The following SPG11 variants were observed in gnomAD, a reference collection of about 807,000 sequenced individuals.
SPG11 encodes spatacsin.
In SPG11, 222 loss-of-function variants were observed where a neutral mutation model predicts 274.0. The ratio of observed to expected loss-of-function variants is 0.81; its 90% CI spans 0.73 to 0.91. The LOEUF is 0.91. Among genes scored for constraint, SPG11 ranks in the 40% least tolerant of loss-of-function variants. The pLI is 0.00. For synonymous variants in SPG11, 1,144 were observed against 1,039.7 expected, an observed-to-expected ratio of 1.10 and a Z score of -1.93; for missense variants, 3,114 against 2,872.7, an observed-to-expected ratio of 1.08 and a Z score of -1.92.
chr15:44,657,030 A>G (rs978284701), intron 4 of SPG11, 65 bp downstream of exon 4: 24 of 1,390,592 alleles, frequency 1.7e-5, no homozygotes, highest in African/African-American at 1.3e-4. Flanking sequence ...ACTAACGAGG[A>G]TATTTTTAAC....
intron 3 of SPG11, among the ~76,000 whole-genome samples, chr15:44,657,905 T>C (rs2084986123): frequency 1.3e-5 from 2 of 152,232 alleles, no homozygotes; most frequent in Non-Finnish European, 2.9e-5. Context: ...CCCATGCCTA[T>C]AGTCCCAGCT....
Position 44,633,532 on chromosome 15 carries a change from G to C in SPG11, c.1708C>G (p.His570Asp), listed in dbSNP as rs1246658261. The change falls in exon 8 of 40, where the codon CAC becomes GAC. Residue 570 changes from histidine (H) to aspartate (D), a missense_variant. Transcript: ENST00000261866. ...CTTAAATATAAATGGGATGACAAGT[G>C]ATCAAACTGATCAGATACAGAAGAT... ...SKSSVSDQFD[H>D]LSSHLYLRNV... 2 of 1,605,756 alleles carry C rather than the reference G, an allele frequency of 1.2e-6. No homozygotes were observed. The highest frequency in any genetic ancestry group is 1.7e-6 in the Non-Finnish European group (2 of 1,173,726).
chr15:44,588,684 G>A (rs1328648100), intron 28 of SPG11: 1 of 427,070 alleles, frequency 2.3e-6, no homozygotes, highest in Non-Finnish European at 4.7e-6. Flanking sequence ...ATGTGGGGAA[G>A]TATATCTAAA....
chr15:44,649,033 G>C (rs1446952615), intron 6 of SPG11, 22 bp from the exon 7 acceptor site: 2 of 1,596,002 alleles, frequency 1.3e-6, no homozygotes, highest in Non-Finnish European at 1.7e-6. Context: ...ATAAAAGTTA[G>C]CTTTAACAAA....
intron 33 of SPG11, among the ~76,000 whole-genome samples, chr15:44,571,457 GAA>G (rs1407788564): frequency 6.6e-6 from 1 of 151,420 alleles, no homozygotes; most frequent in Non-Finnish European, 1.5e-5. Flanking sequence ...ACTGGACCGA[GAA>G]GAGATAGAGA....
chr15:44,632,887 G>A (rs2084113117), intron 8 of SPG11, among the ~76,000 whole-genome samples: 1 of 152,014 alleles, frequency 6.6e-6, no homozygotes, highest in Non-Finnish European at 1.5e-5. Context: ...GCAAGGGCAG[G>A]CAATTTTCCA....
At chr15:44,613,343 T>C (rs903614868) in intron 17 of SPG11, 87 bp downstream of exon 17, 2 of 885,688 alleles carry the variant, frequency 2.3e-6, no homozygotes, top group African/African-American at 3.3e-5. Flanking sequence ...AATAATTTAT[T>C]TAAAAGAGTT....
intron 7 of SPG11, 86 bp downstream of exon 7, chr15:44,648,780 A>C (rs2084676948): frequency 4.1e-6 from 6 of 1,462,640 alleles, no homozygotes; most frequent in Non-Finnish European, 5.8e-6. Context: ...CTGCTAAATT[A>C]AATGAATTCT....
rs143468312 is a variant in SPG11 at position 44,641,983 on chromosome 15, T to C, written c.1602+6883A>G. Among the ~76,000 whole-genome samples the C allele has an allele frequency of 4.8e-5, 7 of 145,822 alleles. No individual in the cohort carries two copies. In the East Asian group the frequency reaches 1.2e-3, roughly 25 times the overall value. ...AGCTAGATAAAGACATATTATACAGTGGGATACGATACAGAGGTGAAACTG... is the reference window on the plus strand; with the variant it reads ...AGCTAGATAAAGACATATTATACAGCGGGATACGATACAGAGGTGAAACTG... On this transcript the variant is annotated intron_variant, in intron 7 of 39. Coordinates refer to ENST00000261866, the MANE Select transcript of SPG11 (RefSeq NM_025137.4).
At chr15:44,579,094 G>T (rs976127714) in intron 30 of SPG11, among the ~76,000 whole-genome samples, 1 of 152,056 alleles carries the variant, frequency 6.6e-6, no homozygotes, top group Non-Finnish European at 1.5e-5. Flanking sequence ...GGAGGCCGAG[G>T]TTGCAGTGAG....
chr15:44,595,206 T>C, intron 26 of SPG11, 53 bp downstream of exon 26: 1 of 1,526,184 alleles, frequency 6.6e-7, no homozygotes. Flanking sequence ...CAAGAAGGGA[T>C]ATGCTGAAGT....
In SPG11 at chr15:44,600,457, A is replaced by G. The variant is rs2140981975; in HGVS notation, c.3686+10T>C. On this transcript the variant is annotated intron_variant, in intron 21 of 39. Coordinates refer to ENST00000261866, the MANE Select transcript of SPG11 (RefSeq NM_025137.4). ...CTGTACCCAGACAAAATTATATTTT[A>G]AATACTCACAGCTGCTTGGGAGTCT... is the stretch of plus-strand genomic sequence containing the variant. 1 of 1,613,796 alleles carries G rather than the reference A, an allele frequency of 6.2e-7. No homozygotes were observed. The highest frequency in any genetic ancestry group is 1.1e-5 in the South Asian group (1 of 91,072).
intron 10 of SPG11, 94 bp downstream of exon 10, chr15:44,628,575 C>A (rs2083967381): frequency 2.5e-6 from 3 of 1,185,326 alleles, no homozygotes; most frequent in Non-Finnish European, 3.7e-6. Context: ...TTCTGAATCA[C>A]AAGTATATAG....
At chr15:44,607,249 C>A (rs879674040) in intron 19 of SPG11, among the ~76,000 whole-genome samples, 1 of 152,224 alleles carries the variant, frequency 6.6e-6, no homozygotes, top group Non-Finnish European at 1.5e-5. Flanking sequence ...TAAGAAGTCT[C>A]TGCATTAGAG....
At chr15:44,619,239 AT>A (rs1306550237) in intron 15 of SPG11, among the ~76,000 whole-genome samples, 1 of 152,224 alleles carries the variant, frequency 6.6e-6, no homozygotes, top group Admixed American at 6.5e-5. Context: ...GTATACCCCA[AT>A]AAGTGTAAAT....
rs200220848 is a variant in SPG11, at chr15:44,573,742, A to C, written c.6010T>G (p.Leu2004Val). ...VLCLYDLAKELGCSYTDVAAQ... is the reference protein window; with the variant it reads ...VLCLYDLAKEVGCSYTDVAAQ... ...GCAACATCTGTGTAGGAACAGCCCA[A>C]CTCCTGAGAGGAAGACAAAGCCAGT... Residue 2004 changes from leucine (L) to valine (V), a missense_variant, in exon 32 of 40, where the codon TTG becomes GTG. By Grantham distance (32) the Leu-to-Val change is conservative. Transcript: ENST00000261866. 435 of 1,613,978 alleles carry C rather than the reference A, an allele frequency of 2.7e-4. No homozygotes were observed. Among genetic ancestry groups the C allele is most frequent in the Admixed American group, 1.7e-3 (99 of 59,986 alleles).
intron 1 of SPG11, 146 bp downstream of exon 1, chr15:44,663,245 C>T: frequency 9.1e-7 from 1 of 1,095,790 alleles, no homozygotes; most frequent in Non-Finnish European, 1.3e-6. Context: ...AAACCACGCT[C>T]GCCTCTGGGG....
Position 44,572,027 on chromosome 15 carries a change from CTAAT to C in SPG11, c.6343+652_6343+655del, listed in dbSNP as rs376759713. Among the ~76,000 whole-genome samples the C allele has an allele frequency of 2.0e-3, 300 of 152,356 alleles. 1 individual carries two copies. The highest frequency in any genetic ancestry group is 6.6e-3 in the African/African-American group (276 of 41,590). Reference sequence around the variant, plus strand: ...CAGATTGGTCTCAGACTCCTAGTCTCTAATTATCCTCTGCCCTCGGCCTCTCAAA... The same window carrying C: ...CAGATTGGTCTCAGACTCCTAGTCTCTATCCTCTGCCCTCGGCCTCTCAAA... On this transcript the variant is annotated intron_variant, in intron 33 of 39. Coordinates refer to ENST00000261866, the MANE Select transcript of SPG11 (RefSeq NM_025137.4).
chr15:44,586,189 T>C (rs1415449164), intron 28 of SPG11, among the ~76,000 whole-genome samples: 1 of 151,930 alleles, frequency 6.6e-6, no homozygotes, highest in Non-Finnish European at 1.5e-5. Context: ...TTCACCATGT[T>C]GTCCAGGCTG....
Sources: allele counts gnomAD v4.1 joint callset (sites outside exome capture counted in the v4.1 genomes callset), GRCh38; gene constraint gnomAD v4.1.1; transcripts MANE v1.5; gene names NCBI Gene and HGNC (gene_info 2026-07-23, HGNC 2026-07-21).